The following TSNAXIP1 variants were observed in gnomAD, a reference collection of about 807,000 sequenced individuals.
TSNAXIP1 encodes translin associated factor X interacting protein 1, also known as translin-associated factor X-interacting protein 1.
TSNAXIP1 carries 89 observed loss-of-function variants against 84.8 expected under a neutral mutation model. That is an observed-to-expected ratio of 1.05 (90% CI 0.88 to 1.25). TSNAXIP1 has a LOEUF of 1.25. Among genes scored for constraint, TSNAXIP1 ranks in the 50% most tolerant of loss-of-function variants. The probability of loss-of-function intolerance (pLI) is 0.00; values close to 1 mark genes in which losing one functional copy is unlikely to be tolerated. For missense variants in TSNAXIP1, 874 were observed against 887.6 expected (o/e 0.98, Z 0.20); for synonymous variants, 347 against 335.2 (o/e 1.04, Z -0.39).
In TSNAXIP1 at chr16:67,821,145, G is replaced by C. The variant is rs771710819; in HGVS notation, c.307G>C (p.Glu103Gln). 6.2e-7 allele frequency: 1 copy of C among 1,612,248 alleles called. No individual in the cohort carries two copies. The change falls in exon 4 of 16, where the codon GAG becomes CAG. Residue 103 changes from glutamate (E) to glutamine (Q), a missense_variant. By Grantham distance (29) the Glu-to-Gln change is conservative. Transcript: ENST00000561639. ...PFRTAKPQYL[E>Q]ELENYLRKEL... ...TCGCACTGCCAAGCCCCAGTACTTG[G>C]AGGAACTGGAAAACTACCTACGCAA...
chr16:67,809,740 G>A (rs1252238008), intron 1 of TSNAXIP1, among the ~76,000 whole-genome samples: 1 of 151,860 alleles, frequency 6.6e-6, no homozygotes, highest in Non-Finnish European at 1.5e-5. Context: ...TTGGGGTCAG[G>A]AGTTCAAGAC....
intron 2 of TSNAXIP1, among the ~76,000 whole-genome samples, chr16:67,818,011 C>G (rs2056732789): frequency 6.6e-6 from 1 of 151,936 alleles, no homozygotes; most frequent in Non-Finnish European, 1.5e-5. Flanking sequence ...GAGTTCAAGA[C>G]CAGCCTGGCC....
chr16:67,813,069 C>A (rs1005238453), intron 1 of TSNAXIP1, among the ~76,000 whole-genome samples: 1 of 151,912 alleles, frequency 6.6e-6, no homozygotes, highest in African/African-American at 2.4e-5. Flanking sequence ...TAGAGGCACC[C>A]GCCACCACAC....
At chr16:67,823,597 G>A (rs2057224499) in intron 4 of TSNAXIP1, 29 bp from the exon 5 acceptor site, 3 of 1,589,202 alleles carry the variant, frequency 1.9e-6, no homozygotes, top group African/African-American at 1.3e-5. Context: ...CTGTGGGCTA[G>A]GAGATGATGG....
intron 2 of TSNAXIP1, among the ~76,000 whole-genome samples, chr16:67,814,661 C>G (rs1213924949): frequency 6.6e-6 from 1 of 152,184 alleles, no homozygotes. Context: ...GAACTCGCCT[C>G]TGCCCACAGA....
chr16:67,827,868 GA>G lies in TSNAXIP1; in HGVS notation c.2017del (p.Met673CysfsTer25). On this transcript the variant is annotated frameshift_variant, in exon 16 of 16. Coordinates refer to ENST00000561639, the MANE Select transcript of TSNAXIP1 (RefSeq NM_001288990.3). LOFTEE classifies it low-confidence loss of function (END_TRUNC). ...MSQAFQLPESEMPEEGDEKEE... is the reference protein window; with the variant it reads ...MSQAFQLPESXMPEEGDEKEE... ...CCAGGCCTTCCAGCTCCCTGAGTCG[GA>G]AATGCCAGAGGAGGGTGACGAGAAG... The G allele has an allele frequency of 1.2e-6, 2 of 1,614,146 alleles. No individual in the cohort carries two copies. The highest frequency in any genetic ancestry group is 1.7e-6 in the Non-Finnish European group (2 of 1,180,040).
intron 4 of TSNAXIP1, among the ~76,000 whole-genome samples, chr16:67,822,315 G>A (rs1007483366): frequency 6.6e-6 from 1 of 151,672 alleles, no homozygotes; most frequent in Non-Finnish European, 1.5e-5. Flanking sequence ...CCAGTGAGCA[G>A]GCAAGGCTGC....
In TSNAXIP1 at chr16:67,825,794, C is replaced by T. The variant is rs763672715; in HGVS notation, c.942C>T (p.Asp314=). The stretch of plus-strand genomic sequence containing the variant: ...TTGGAGATGTGGTCCCCAGGAGGGA[C>T]TTTGAAATGCAGGAGAAGACCAACA... ...ANFGDVVPRR[D]FEMQEKTNKD... The change falls in exon 8 of 16, where the codon GAC becomes GAT. Residue 314 remains aspartate, a synonymous_variant. Coordinates refer to ENST00000561639, the MANE Select transcript of TSNAXIP1 (RefSeq NM_001288990.3). 1 of 1,614,162 alleles carries T rather than the reference C, an allele frequency of 6.2e-7. No individual in the cohort carries two copies.
Position 67,824,596 on chromosome 16 carries a change from G to A in TSNAXIP1, c.495G>A (p.Glu165=). The A allele has an allele frequency of 1.2e-6, 2 of 1,613,904 alleles. No individual in the cohort carries two copies. Among genetic ancestry groups the A allele is most frequent in the African/African-American group, 2.7e-5 (2 of 75,018 alleles). Residue 165 remains glutamate, a synonymous_variant, in exon 6 of 16, where the codon GAG becomes GAA. Transcript: ENST00000561639. Reference sequence around the variant, plus strand: ...GTCTCTGCTTAGCCCACCAAAGGGAGAAGATTCGGGCTCTGGAGCCCCTGA... The same window carrying A: ...GTCTCTGCTTAGCCCACCAAAGGGAAAAGATTCGGGCTCTGGAGCCCCTGA... ...AYEGMLAHQR[E]KIRALEPLKA...
intron 1 of TSNAXIP1, among the ~76,000 whole-genome samples, chr16:67,808,506 A>T (rs1307445017): frequency 6.6e-6 from 1 of 152,052 alleles, no homozygotes; most frequent in Non-Finnish European, 1.5e-5. Context: ...CCTGGGAGGC[A>T]GAGCTTGCAG....
At position 67,825,121 on chromosome 16, in the gene TSNAXIP1, G is replaced by A. The variant is rs1358091603; in HGVS notation, c.679-16G>A. Reference sequence around the variant, plus strand: ...TCCAGGGGCAGCCCCTGACCACACAGCCACCTTCTTGCCAGGTGACCAAAC... The same window carrying A: ...TCCAGGGGCAGCCCCTGACCACACAACCACCTTCTTGCCAGGTGACCAAAC... On this transcript the variant is annotated splice_polypyrimidine_tract_variant and intron_variant, in intron 6 of 15. Transcript: ENST00000561639. The A allele has an allele frequency of 2.5e-6, 4 of 1,612,560 alleles. No homozygotes were observed. The highest frequency in any genetic ancestry group is 3.4e-6 in the Non-Finnish European group (4 of 1,179,542).
At position 67,821,113 on chromosome 16, in the gene TSNAXIP1, A is replaced by G. The variant is rs757424873; in HGVS notation, c.275A>G (p.His92Arg). The G allele has an allele frequency of 5.6e-5, 90 of 1,613,100 alleles. No homozygotes were observed. Among genetic ancestry groups the G allele is most frequent in the Non-Finnish European group, 7.2e-5 (85 of 1,179,710 alleles). ...GTCCCCTGCAGGAGCTGCCAGCAGC[A>G]CCCCTTTCGCACTGCCAAGCCCCAG... ...YRKRVGSCQQ[H>R]PFRTAKPQYL... The change falls in exon 4 of 16, where the codon CAC becomes CGC. Residue 92 changes from histidine (H) to arginine (R), a missense_variant. Coordinates refer to ENST00000561639, the MANE Select transcript of TSNAXIP1 (RefSeq NM_001288990.3).
At chr16:67,827,628 G>A (rs1441201464) in intron 15 of TSNAXIP1, 49 bp downstream of exon 15, 2 of 1,612,390 alleles carry the variant, frequency 1.2e-6, no homozygotes. Context: ...GGCCCCTGAA[G>A]CCCCTGGGTC....
In TSNAXIP1 at chr16:67,807,116, C is replaced by A. The variant is rs1331572875; in HGVS notation, c.-34C>A. 5.2e-6 allele frequency: 8 copies of A among 1,533,130 alleles called. No homozygotes were observed. The highest frequency in any genetic ancestry group is 2.4e-5 in the East Asian group (1 of 40,864). 95.0% of individuals were successfully genotyped at this position (1,533,130 alleles called of 1,614,324 possible). A position where few individuals can be genotyped will look rare whatever the true frequency, so the allele number is the denominator to read the frequency against. On this transcript the variant is annotated 5_prime_UTR_variant, in exon 1 of 16. Coordinates refer to ENST00000561639, the MANE Select transcript of TSNAXIP1 (RefSeq NM_001288990.3). ...CTGTACGCTACCACAGCTTCCCAGG[C>A]CGCGGGTGCTGATTGCCCGCCTGCC...
chr16:67,826,730 G>A lies in TSNAXIP1; in HGVS notation c.1440G>A (p.Glu480=), dbSNP rs978967217. 6.2e-7 allele frequency: 1 copy of A among 1,613,934 alleles called. No individual in the cohort carries two copies. The highest frequency in any genetic ancestry group is 8.5e-7 in the Non-Finnish European group (1 of 1,179,954). ...CAGATTTCTTCTTCAATTTCCTGGA[G>A]CATCGCTTTGGGCCCAGTGATGCCA... The part of the protein sequence containing the change: ...TFPDFFFNFL[E]HRFGPSDAMA... Residue 480 remains glutamate (E), a synonymous_variant, in exon 12 of 16, where the codon GAG becomes GAA. Transcript: ENST00000561639.
In TSNAXIP1 at chr16:67,821,099, G is replaced by C; in HGVS notation, c.261G>C (p.Gly87=). ...PCSDDYRKRV[G]SCQQHPFRTA... ...ACATATCAGCCACTGTCCCCTGCAG[G>C]AGCTGCCAGCAGCACCCCTTTCGCA... Residue 87 remains glycine, a splice_region_variant and synonymous_variant, in exon 4 of 16, where the codon GGG becomes GGC. Transcript: ENST00000561639. The C allele has an allele frequency of 6.2e-7, 1 of 1,613,304 alleles. No individual in the cohort carries two copies. Among genetic ancestry groups the C allele is most frequent in the Middle Eastern group, 1.7e-4 (1 of 6,048 alleles).
In TSNAXIP1 at chr16:67,827,846, G is replaced by C. The variant is rs1198455068; in HGVS notation, c.1992G>C (p.Gln664His). Reference sequence around the variant, plus strand: ...AGACAGTGAACACCTACATGAGCCAGGCCTTCCAGCTCCCTGAGTCGGAAA... The same window carrying C: ...AGACAGTGAACACCTACATGAGCCACGCCTTCCAGCTCCCTGAGTCGGAAA... ...DKQTVNTYMS[Q>H]AFQLPESEMP... The change falls in exon 16 of 16, where the codon CAG (glutamine) becomes CAC (histidine). Residue 664 changes from glutamine to histidine, a missense_variant. Coordinates refer to ENST00000561639, the MANE Select transcript of TSNAXIP1 (RefSeq NM_001288990.3). The C allele has an allele frequency of 6.2e-7, 1 of 1,614,164 alleles. No homozygotes were observed. The highest frequency in any genetic ancestry group is 1.1e-5 in the South Asian group (1 of 91,082).
intron 2 of TSNAXIP1, among the ~76,000 whole-genome samples, chr16:67,817,462 G>A (rs1332174147): frequency 9.1e-6 from 1 of 109,886 alleles, no homozygotes; most frequent in Non-Finnish European, 1.9e-5. Flanking sequence ...TGCGTTTTTA[G>A]TAGAGACGAG....
chr16:67,807,009 G>C lies in TSNAXIP1; in HGVS notation c.-141G>C. On this transcript the variant is annotated 5_prime_UTR_variant, in exon 1 of 16. Coordinates refer to ENST00000561639, the MANE Select transcript of TSNAXIP1 (RefSeq NM_001288990.3). ...TTTGTCCTACTCCCAGCCCGCGGGC[G>C]CTAGGCTCGGGGGCGTGGCGCATCC... The C allele has an allele frequency of 7.4e-7, 1 of 1,353,004 alleles. No homozygotes were observed. Among genetic ancestry groups the C allele is most frequent in the Non-Finnish European group, 9.8e-7 (1 of 1,021,550 alleles). 83.8% of individuals were successfully genotyped at this position (1,353,004 alleles called of 1,614,324 possible). A position where few individuals can be genotyped will look rare whatever the true frequency, so the allele number is the denominator to read the frequency against.
Sources: allele counts gnomAD v4.1 joint callset (sites outside exome capture counted in the v4.1 genomes callset), GRCh38; gene constraint gnomAD v4.1.1; transcripts MANE v1.5; gene names NCBI Gene and HGNC (gene_info 2026-07-23, HGNC 2026-07-21).